The following TRIM67 variants were observed in gnomAD, a reference collection of about 807,000 sequenced individuals.
TRIM67 encodes tripartite motif-containing protein 67.
A neutral mutation model predicts 71.0 loss-of-function variants in TRIM67; 39 were observed. The observed-to-expected ratio is 0.55, with a 90% confidence interval of 0.43 to 0.72. The LOEUF is 0.72. TRIM67 is among the 30% of genes least tolerant of loss of function. TRIM67 has a pLI of 0.00. For synonymous variants in TRIM67, 481 were observed against 473.9 expected, an observed-to-expected ratio of 1.01 and a Z score of -0.19; for missense variants, 973 against 1,079.2, an observed-to-expected ratio of 0.90 and a Z score of 1.38.
In TRIM67 at chr1:231,179,153, C is replaced by T. The variant is rs559405442; in HGVS notation, c.1044+15140C>T. Among the ~76,000 whole-genome samples, 21 of 152,308 alleles carry T rather than the reference C, an allele frequency of 1.4e-4. No homozygotes were observed. In the South Asian group the frequency reaches 3.7e-3, roughly 27 times the overall value. ...GGCTGGAAGTCCAAAATCAAGGTGT[C>T]GGCAGGGCGGTGTTCCCTCTGAAGG... is the stretch of plus-strand genomic sequence containing the variant. On this transcript the variant is annotated intron_variant, in intron 1 of 9. Coordinates refer to ENST00000366653, the MANE Select transcript of TRIM67 (RefSeq NM_001004342.5).
Position 231,220,166 on chromosome 1 carries a change from G to C in TRIM67, c.*4726G>C, listed in dbSNP as rs11586657. The C allele has an allele frequency of 4.2e-5, 16 of 381,024 alleles. No individual in the cohort carries two copies. The highest frequency in any genetic ancestry group is 7.4e-5 in the East Asian group (1 of 13,600). 23.6% of individuals were successfully genotyped at this position (381,024 alleles called of 1,614,324 possible). The stretch of plus-strand genomic sequence containing the variant: ...TTCCCATTCAGTGACTCAAACCTGT[G>C]GGGGGCGTTCCAGTGTTCTCTGACC... On this transcript the variant is annotated 3_prime_UTR_variant, in exon 10 of 10. Transcript: ENST00000366653.
intron 2 of TRIM67, among the ~76,000 whole-genome samples, chr1:231,198,078 C>T (rs565678504): frequency 1.6e-4 from 25 of 152,322 alleles, no homozygotes; most frequent in South Asian, 1.2e-3. Context: ...ATCTAGCACT[C>T]TACGTGCCAT....
intron 1 of TRIM67, among the ~76,000 whole-genome samples, chr1:231,174,152 C>CTTTTTTTTTTT (rs35651112): frequency 7.9e-6 from 1 of 127,354 alleles, no homozygotes; most frequent in Non-Finnish European, 1.6e-5. Flanking sequence ...GTCTTATTTT[C>CTTTTTTTTTTT]TTTTTTTTTT....
intron 1 of TRIM67, chr1:231,186,157 G>A: frequency 6.5e-7 from 1 of 1,531,234 alleles, no homozygotes; most frequent in South Asian, 1.2e-5. Context: ...GCCAGGCTGA[G>A]GCGCTCCCTC....
At chr1:231,164,116 G>A in intron 1 of TRIM67, 103 bp downstream of exon 1, 1 of 1,326,498 alleles carries the variant, frequency 7.5e-7, no homozygotes, top group South Asian at 2.0e-5. Flanking sequence ...CGGTCAGAGG[G>A]TCAGGCAGGA....
At chr1:231,213,664 G>A (rs977873251) in intron 8 of TRIM67, 151 bp from the exon 9 acceptor site, 12 of 896,854 alleles carry the variant, frequency 1.3e-5, no homozygotes, top group African/African-American at 6.8e-5. Context: ...CTGGGAGGGC[G>A]AGGCTGTTGT....
At chr1:231,187,970 G>A (rs898625344) in intron 1 of TRIM67, among the ~76,000 whole-genome samples, 16 of 152,168 alleles carry the variant, frequency 1.1e-4, no homozygotes, top group Non-Finnish European at 1.9e-4. Flanking sequence ...GTTCTTTCGT[G>A]TTCTCTCCCA....
At chr1:231,164,453 G>GTATC (rs1429775196) in intron 1 of TRIM67, among the ~76,000 whole-genome samples, 2 of 152,144 alleles carry the variant, frequency 1.3e-5, no homozygotes, top group Non-Finnish European at 1.5e-5. Flanking sequence ...CTGCGAGAAA[G>GTATC]AGAGGAGCCA....
In TRIM67 at chr1:231,204,074, C is replaced by T. The variant is rs115956648; in HGVS notation, c.1680+62C>T. On this transcript the variant is annotated intron_variant, in intron 6 of 9. Coordinates refer to ENST00000366653, the MANE Select transcript of TRIM67 (RefSeq NM_001004342.5). ...TACCAATGCAGAGGCAGGAGTGGCTCCCACTGCCCCAGACTCTGGTTCAGC... is the reference window on the plus strand; with the variant it reads ...TACCAATGCAGAGGCAGGAGTGGCTTCCACTGCCCCAGACTCTGGTTCAGC... The T allele has an allele frequency of 4.1e-5, 66 of 1,595,614 alleles. No homozygotes were observed. The African/African-American group carries it at 7.5e-4, about 18-fold the overall frequency.
rs201274315 is a variant in TRIM67 at position 231,163,251 on chromosome 1, T to A, written c.282T>A (p.Gly94=). The change falls in exon 1 of 10, where the codon GGT becomes GGA. Residue 94 remains glycine (G), a synonymous_variant. Transcript: ENST00000366653. ...GCGGCCTCGGCGGCGGTGCGGGAGG[T>A]GGCGGAGACCACGCGGACAAGCTCA... ...AAGGLGGGAG[G]GGDHADKLSL... 3.5e-5 allele frequency: 52 copies of A among 1,504,086 alleles called. 3 individuals are homozygous for A. In the South Asian group the frequency reaches 5.6e-4, roughly 16 times the overall value. 93.2% of individuals were successfully genotyped at this position (1,504,086 alleles called of 1,614,324 possible).
At chr1:231,175,140 A>AGGT (rs1446948708) in intron 1 of TRIM67, among the ~76,000 whole-genome samples, 15 of 152,222 alleles carry the variant, frequency 9.9e-5, no homozygotes, top group Admixed American at 7.9e-4. Context: ...TGTGAATGTC[A>AGGT]CCACACACCA....
intron 1 of TRIM67, among the ~76,000 whole-genome samples, chr1:231,193,506 C>CTCTCTCTCTT (rs1195173787): frequency 4.8e-5 from 5 of 103,462 alleles, no homozygotes; most frequent in African/African-American, 2.5e-4. Flanking sequence ...CTCTCAAGCT[C>CTCTCTCTCTT]TCTCTCTCTC....
At chr1:231,207,704 C>T (rs1342414705) in intron 7 of TRIM67, among the ~76,000 whole-genome samples, 1 of 152,192 alleles carries the variant, frequency 6.6e-6, no homozygotes, top group Non-Finnish European at 1.5e-5. Context: ...GGACACTTTT[C>T]TGAAAATGAT....
In TRIM67 at chr1:231,162,949, G is replaced by A. The variant is rs374506099; in HGVS notation, c.-21G>A. The A allele has an allele frequency of 1.9e-6, 3 of 1,606,698 alleles. No individual in the cohort carries two copies. The highest frequency in any genetic ancestry group is 2.5e-6 in the Non-Finnish European group (3 of 1,177,732). On this transcript the variant is annotated 5_prime_UTR_variant, in exon 1 of 10. Coordinates refer to ENST00000366653, the MANE Select transcript of TRIM67 (RefSeq NM_001004342.5). ...GGCCATTCATCCCCAGCGCAGAGCA[G>A]CGCTGGCAGCCGGCGCCGCGATGGA...
chr1:231,189,026 GCCT>G (rs1007783136), intron 1 of TRIM67, among the ~76,000 whole-genome samples: 5 of 152,168 alleles, frequency 3.3e-5, no homozygotes, highest in African/African-American at 1.2e-4. Flanking sequence ...CCTGAGAACT[GCCT>G]CATGGGCCCA....
rs1684062729 is a variant in TRIM67, at chr1:231,218,225, C to A, written c.*2785C>A. The A allele has an allele frequency of 2.0e-6, 2 of 1,011,406 alleles. No individual in the cohort carries two copies. The highest frequency in any genetic ancestry group is 1.7e-5 in the African/African-American group (1 of 58,872). The allele number at this position is 1,011,406 out of a possible 1,614,324, so 62.7% of individuals were successfully genotyped here. ...GACAGACAGGTCATGGAATTCTCAT[C>A]CACCATCGAATTCCATAACACGTTA... On this transcript the variant is annotated 3_prime_UTR_variant, in exon 10 of 10. Coordinates refer to ENST00000366653, the MANE Select transcript of TRIM67 (RefSeq NM_001004342.5).
chr1:231,188,489 T>G (rs1323949154), intron 1 of TRIM67, among the ~76,000 whole-genome samples: 1 of 152,278 alleles, frequency 6.6e-6, no homozygotes, highest in Non-Finnish European at 1.5e-5. Flanking sequence ...GTGGGTGGTC[T>G]CAGCCCAGCA....
chr1:231,219,343 A>G lies in TRIM67; in HGVS notation c.*3903A>G. 1.0e-6 allele frequency: 1 copy of G among 987,266 alleles called. No homozygotes were observed. Among genetic ancestry groups the G allele is most frequent in the African/African-American group, 1.7e-5 (1 of 57,362 alleles). 61.2% of individuals were successfully genotyped at this position (987,266 alleles called of 1,614,324 possible). On this transcript the variant is annotated 3_prime_UTR_variant, in exon 10 of 10. Transcript: ENST00000366653. The stretch of plus-strand genomic sequence containing the variant: ...TGCTAGGTATCTCCTGGGGGCCTCC[A>G]CAAGTTGAGAACCACCAGGTTATGC...
At chr1:231,187,638 C>T (rs551708285) in intron 1 of TRIM67, 103 of 1,346,898 alleles carry the variant, frequency 7.6e-5, no homozygotes, top group South Asian at 1.6e-4. Context: ...TTTTAATACA[C>T]GCCCCATCTC....
Sources: gnomAD v4.1 joint callset for allele counts (sites outside exome capture counted in the v4.1 genomes callset) on GRCh38, gnomAD v4.1.1 for gene constraint, MANE v1.5 for transcripts, NCBI Gene and HGNC (gene_info 2026-07-23, HGNC 2026-07-21) for gene names.